Variants in LCMT1 observed in about 807,000 individuals in gnomAD.
LCMT1 encodes leucine carboxyl methyltransferase 1.
Under a neutral mutation model 47.7 loss-of-function variants are expected in LCMT1, and 32 were observed. The ratio of observed to expected loss-of-function variants is 0.67; its 90% CI spans 0.51 to 0.90. The LOEUF (loss-of-function observed/expected upper bound fraction) is 0.90. Among genes scored for constraint, LCMT1 ranks in the 40% least tolerant of loss-of-function variants. LCMT1 has a pLI of 0.00. For synonymous variants in LCMT1, 152 were observed against 149.7 expected, an observed-to-expected ratio of 1.02 and a Z score of -0.11; for missense variants, 375 against 415.2, an observed-to-expected ratio of 0.90 and a Z score of 0.84.
intron 7 of LCMT1, among the ~76,000 whole-genome samples, chr16:25,165,308 C>T (rs1961554270): frequency 6.6e-6 from 1 of 152,184 alleles, no homozygotes; most frequent in Admixed American, 6.6e-5. Context: ...CTGTTTACTT[C>T]TTCTGATTTA....
At chr16:25,150,455 C>T (rs1181453205) in intron 4 of LCMT1, among the ~76,000 whole-genome samples, 1 of 150,606 alleles carries the variant, frequency 6.6e-6, no homozygotes, top group Non-Finnish European at 1.5e-5. Flanking sequence ...AGCGATTCTC[C>T]TGCCTCAGCC....
intron 1 of LCMT1, among the ~76,000 whole-genome samples, chr16:25,126,365 C>T (rs1482264913): frequency 6.6e-6 from 1 of 152,296 alleles, no homozygotes; most frequent in Non-Finnish European, 1.5e-5. Flanking sequence ...CCTCTCTGTA[C>T]TGGAGGCTCA....
rs56191741 is a variant in LCMT1, at chr16:25,151,723, G to GTGTGTGT, written c.466+108_466+109insTGTGTGT. 1.4e-4 allele frequency: 105 copies of GTGTGTGT among 739,174 alleles called. 1 individual carries two copies. The highest frequency in any genetic ancestry group is 2.5e-4 in the Middle Eastern group (1 of 4,004). 45.8% of individuals were successfully genotyped at this position (739,174 alleles called of 1,614,324 possible). ...TGTGTGTGTGTGTGTGTGTGTGTGT[G>GTGTGTGT]GTGTTATACAATGTATTGTCAACTG... On this transcript the variant is annotated intron_variant, in intron 5 of 10. Transcript: ENST00000399069.
chr16:25,120,309 C>T (rs1434250524), intron 1 of LCMT1, among the ~76,000 whole-genome samples: 25 of 150,072 alleles, frequency 1.7e-4, no homozygotes, highest in Admixed American at 6.0e-4. Context: ...CTGCAACCTC[C>T]GCCTCCCGGG....
chr16:25,134,269 A>G (rs1960440458), intron 3 of LCMT1, among the ~76,000 whole-genome samples: 1 of 152,188 alleles, frequency 6.6e-6, no homozygotes, highest in Non-Finnish European at 1.5e-5. Context: ...TTGAAGTGAG[A>G]AATCAGTGAC....
At chr16:25,140,538 A>G (rs1267950029) in intron 4 of LCMT1, 9 of 402,620 alleles carry the variant, frequency 2.2e-5, no homozygotes, top group Admixed American at 1.1e-4. Flanking sequence ...TGGGGCTTGT[A>G]CTCAAGTACT....
At chr16:25,114,326 A>G (rs1456103576) in intron 1 of LCMT1, among the ~76,000 whole-genome samples, 2 of 152,204 alleles carry the variant, frequency 1.3e-5, no homozygotes, top group African/African-American at 4.8e-5. Context: ...AGTGCTTGGC[A>G]TACTGGAGGT....
chr16:25,163,666 C>T (rs904164739), intron 6 of LCMT1, among the ~76,000 whole-genome samples: 3 of 152,036 alleles, frequency 2.0e-5, no homozygotes, highest in Non-Finnish European at 2.9e-5. Context: ...TTTCATTACT[C>T]TTGGGGTATC....
chr16:25,151,574 G>T lies in LCMT1; in HGVS notation c.425G>T (p.Ser142Ile). The change falls in exon 5 of 11, where the codon AGC becomes ATC. Residue 142 changes from serine (S) to isoleucine (I), a missense_variant. Physicochemically the swap from Ser to Ile is moderately radical, Grantham distance 142 (BLOSUM62 -2). Transcript: ENST00000399069. ...HSIKCKPPLS[S>I]PILELHSEDT... The stretch of plus-strand genomic sequence containing the variant: ...CATAGATGCAAGCCTCCCCTATCCA[G>T]CCCCATTCTAGAACTGCATTCAGAG... The T allele has an allele frequency of 6.2e-7, 1 of 1,613,366 alleles. No individual in the cohort carries two copies. Among genetic ancestry groups the T allele is most frequent in the Non-Finnish European group, 8.5e-7 (1 of 1,179,594 alleles).
intron 7 of LCMT1, among the ~76,000 whole-genome samples, chr16:25,168,153 A>G (rs1961643907): frequency 6.6e-6 from 1 of 151,794 alleles, no homozygotes; most frequent in South Asian, 2.1e-4. Context: ...GGTTCAAGTG[A>G]TTCTCCCGCC....
chr16:25,119,166 C>A (rs891538726), intron 1 of LCMT1, among the ~76,000 whole-genome samples: 24 of 152,126 alleles, frequency 1.6e-4, no homozygotes, highest in African/African-American at 5.6e-4. Flanking sequence ...ATAGAATGTT[C>A]TGGCAGAGTG....
At chr16:25,118,770 G>A (rs1345884688) in intron 1 of LCMT1, among the ~76,000 whole-genome samples, 2 of 152,068 alleles carry the variant, frequency 1.3e-5, no homozygotes, top group East Asian at 1.9e-4. Flanking sequence ...GGCAGGAGCC[G>A]GCCTGACCTG....
chr16:25,116,271 T>A (rs1597554186), intron 1 of LCMT1, among the ~76,000 whole-genome samples: 1 of 152,278 alleles, frequency 6.6e-6, no homozygotes, highest in Non-Finnish European at 1.5e-5. Flanking sequence ...AGAAGGAGAT[T>A]TGGCTGGAGT....
intron 1 of LCMT1, among the ~76,000 whole-genome samples, chr16:25,113,527 G>A (rs992568917): frequency 6.6e-6 from 1 of 152,200 alleles, no homozygotes; most frequent in Non-Finnish European, 1.5e-5. Context: ...TTTAATATTA[G>A]TAGAGCACTT....
At chr16:25,140,073 A>T in intron 3 of LCMT1, 98 bp from the exon 4 acceptor site, 4 of 837,568 alleles carry the variant, frequency 4.8e-6, no homozygotes, top group Non-Finnish European at 7.7e-6. Context: ...AAAAATCCTT[A>T]AACACTATTG....
chr16:25,135,293 C>CTATA (rs753534387), intron 3 of LCMT1, among the ~76,000 whole-genome samples: 266 of 131,820 alleles, frequency 2.0e-3, no homozygotes, highest in Non-Finnish European at 3.3e-3. Context: ...AAATATATAT[C>CTATA]TATATATATA....
chr16:25,160,076 G>C (rs1021777795), intron 5 of LCMT1, among the ~76,000 whole-genome samples: 1 of 151,948 alleles, frequency 6.6e-6, no homozygotes, highest in African/African-American at 2.4e-5. Flanking sequence ...AGCCTCGAGA[G>C]TAGCTGGGAT....
At chr16:25,169,034 A>G (rs1357714539) in intron 7 of LCMT1, 78 bp from the exon 8 acceptor site, 3 of 1,078,788 alleles carry the variant, frequency 2.8e-6, no homozygotes, top group Non-Finnish European at 2.8e-6. Flanking sequence ...GGCTGCTTAA[A>G]AATAGGATGA....
rs778132204 is a variant in LCMT1, at chr16:25,170,737, G to A, written c.816G>A (p.Gly272=). The A allele has an allele frequency of 1.2e-6, 2 of 1,613,472 alleles. No individual in the cohort carries two copies. The highest frequency in any genetic ancestry group is 1.7e-5 in the Admixed American group (1 of 59,996). Residue 272 remains glycine (G), a synonymous_variant, in exon 9 of 11, where the codon GGG becomes GGA. Coordinates refer to ENST00000399069, the MANE Select transcript of LCMT1 (RefSeq NM_016309.3). ...AGAAAGAACGGCTCCTGTCGAATGG[G>A]TGGGAAACAGCATCGGCCGTCGACA... ...ESQKERLLSN[G]WETASAVDMM...
Sources: allele counts gnomAD v4.1 joint callset (sites outside exome capture counted in the v4.1 genomes callset), GRCh38; gene constraint gnomAD v4.1.1; transcripts MANE v1.5; gene names NCBI Gene and HGNC (gene_info 2026-07-23, HGNC 2026-07-21).